Variants in PLCB1 observed in about 807,000 individuals in gnomAD.
PLCB1 encodes 1-phosphatidylinositol 4,5-bisphosphate phosphodiesterase beta-1.
Under a neutral mutation model 161.8 loss-of-function variants are expected in PLCB1, and 46 were observed. That is an observed-to-expected ratio of 0.28 (90% CI 0.22 to 0.36). The LOEUF (loss-of-function observed/expected upper bound fraction) is 0.36. Ranked by LOEUF, PLCB1 falls within the 10% of genes least tolerant of loss-of-function variation. The probability of loss-of-function intolerance (pLI) is 1.00; values close to 1 mark genes in which losing one functional copy is unlikely to be tolerated. For missense variants in PLCB1, 1,016 were observed against 1,472.5 expected (o/e 0.69, Z 5.07); for synonymous variants, 517 against 503.7 (o/e 1.03, Z -0.35).
intron 3 of PLCB1, among the ~76,000 whole-genome samples, chr20:8,594,179 G>T (rs1200930740): frequency 6.6e-6 from 1 of 152,070 alleles, no homozygotes; most frequent in African/African-American, 2.4e-5. Flanking sequence ...AGGACTACAG[G>T]CATGAACCCT....
At chr20:8,177,632 T>TTAG (rs1324985063) in intron 2 of PLCB1, among the ~76,000 whole-genome samples, 3 of 151,990 alleles carry the variant, frequency 2.0e-5, no homozygotes, top group African/African-American at 7.3e-5. Flanking sequence ...ATTATTATTA[T>TTAG]TACTATTTTT....
rs565722554 is a variant in PLCB1 at position 8,307,714 on chromosome 20, T to A, written c.178-63668T>A. ...GGTGGGTGGATCACCTGAGGTCAGG[T>A]GTTCGAGACCAGCCTGGTCCAACAT... On this transcript the variant is annotated intron_variant, in intron 2 of 31. Transcript: ENST00000338037. 8.9e-3 allele frequency among the ~76,000 whole-genome samples: 1,347 copies of A among 150,662 alleles called. 14 individuals carry two copies. The highest frequency in any genetic ancestry group is 0.016 in the Non-Finnish European group (1,065 of 67,008).
chr20:8,795,012 C>T (rs1332721644), intron 31 of PLCB1, among the ~76,000 whole-genome samples: 2 of 152,152 alleles, frequency 1.3e-5, no homozygotes, highest in African/African-American at 2.4e-5. Context: ...AACATTTTTA[C>T]CATCCTGCAA....
chr20:8,645,049 G>A (rs1399546869), intron 4 of PLCB1, among the ~76,000 whole-genome samples: 2 of 152,148 alleles, frequency 1.3e-5, no homozygotes, highest in African/African-American at 4.8e-5. Context: ...AACATGTGCT[G>A]TGTCCACTCA....
At chr20:8,499,030 C>T (rs562069520) in intron 3 of PLCB1, among the ~76,000 whole-genome samples, 1 of 152,274 alleles carries the variant, frequency 6.6e-6, no homozygotes, top group South Asian at 2.1e-4. Flanking sequence ...TACCACTTGT[C>T]AAGGTTGAAA....
intron 1 of PLCB1, among the ~76,000 whole-genome samples, chr20:8,147,872 GTTTTTTTT>G (rs559136150): frequency 7.7e-6 from 1 of 130,472 alleles, no homozygotes; most frequent in Non-Finnish European, 1.6e-5. Context: ...ATTTTGAAAA[GTTTTTTTT>G]TTTTTTTTTT....
chr20:8,529,549 C>T (rs1359801339), intron 3 of PLCB1, among the ~76,000 whole-genome samples: 5 of 152,024 alleles, frequency 3.3e-5, no homozygotes, highest in African/African-American at 9.7e-5. Context: ...TTTTACTGTT[C>T]AGTCTCTTAA....
At chr20:8,879,627 ACTT>A (rs35709677) in intron 31 of PLCB1, among the ~76,000 whole-genome samples, 56,788 of 151,856 alleles carry the variant, frequency 0.37, 10,908 homozygotes, top group South Asian at 0.58. Context: ...AAAAAAGGAA[ACTT>A]CTTCTGGATT....
At chr20:8,188,207 A>C (rs2051927121) in intron 2 of PLCB1, among the ~76,000 whole-genome samples, 1 of 152,134 alleles carries the variant, frequency 6.6e-6, no homozygotes, top group African/African-American at 2.4e-5. Context: ...ATAGATGGCA[A>C]AATACAAGAA....
At chr20:8,494,107 G>C (rs75123403) in intron 3 of PLCB1, among the ~76,000 whole-genome samples, 10 of 139,608 alleles carry the variant, frequency 7.2e-5, no homozygotes, top group African/African-American at 2.9e-4. Flanking sequence ...TCATTGGAAG[G>C]TGAACCTCAG....
chr20:8,234,402 G>A (rs1176428685), intron 2 of PLCB1, among the ~76,000 whole-genome samples: 1 of 152,016 alleles, frequency 6.6e-6, no homozygotes, highest in African/African-American at 2.4e-5. Flanking sequence ...GGTTGTTACT[G>A]GTTAGCTGGG....
chr20:8,649,294 A>G, intron 6 of PLCB1, 80 bp from the exon 7 acceptor site: 1 of 825,856 alleles, frequency 1.2e-6, no homozygotes, highest in Admixed American at 1.9e-5. Context: ...TGAATGGAAT[A>G]TTTTGAGTTG....
chr20:8,274,651 C>G (rs1038510696), intron 2 of PLCB1, among the ~76,000 whole-genome samples: 5 of 152,092 alleles, frequency 3.3e-5, no homozygotes, highest in Admixed American at 3.3e-4. Context: ...TAAATTGTCT[C>G]TATTTCATCA....
intron 2 of PLCB1, among the ~76,000 whole-genome samples, chr20:8,166,109 C>T (rs1386688729): frequency 3.3e-5 from 5 of 152,056 alleles, no homozygotes; most frequent in South Asian, 2.1e-4. Flanking sequence ...ACCCTATATC[C>T]CCTCTTGACC....
chr20:8,372,351 GA>G (rs1357102405), intron 3 of PLCB1, among the ~76,000 whole-genome samples: 7 of 151,026 alleles, frequency 4.6e-5, no homozygotes, highest in East Asian at 1.9e-4. Flanking sequence ...GGAGATGCAA[GA>G]AAAAAAAATC....
At chr20:8,152,013 T>A in intron 2 of PLCB1, among the ~76,000 whole-genome samples, 1 of 152,146 alleles carries the variant, frequency 6.6e-6, no homozygotes, top group East Asian at 1.9e-4. Flanking sequence ...TTTTCAAAGG[T>A]AGGAAAATTT....
intron 2 of PLCB1, among the ~76,000 whole-genome samples, chr20:8,255,539 C>T (rs758172587): frequency 5.3e-5 from 8 of 151,946 alleles, no homozygotes; most frequent in South Asian, 2.1e-4. Flanking sequence ...ATATATCATA[C>T]GCTTATAATT....
intron 2 of PLCB1, among the ~76,000 whole-genome samples, chr20:8,166,428 C>T (rs1041087088): frequency 1.3e-5 from 2 of 152,166 alleles, no homozygotes; most frequent in African/African-American, 4.8e-5. Context: ...CTCTTCCTAC[C>T]TCTCCAGCCA....
At chr20:8,486,493 T>TA (rs1265125772) in intron 3 of PLCB1, among the ~76,000 whole-genome samples, 1 of 141,446 alleles carries the variant, frequency 7.1e-6, no homozygotes, top group Non-Finnish European at 1.5e-5. Flanking sequence ...TTTTTTTTTT[T>TA]TTTTTTTTTT....
Sources: gnomAD v4.1 joint callset for allele counts (sites outside exome capture counted in the v4.1 genomes callset) on GRCh38, gnomAD v4.1.1 for gene constraint, MANE v1.5 for transcripts, NCBI Gene and HGNC (gene_info 2026-07-23, HGNC 2026-07-21) for gene names.